Variants in DOCK6 observed in about 807,000 individuals in gnomAD.
DOCK6 encodes the protein dedicator of cytokinesis 6.
Under a neutral mutation model 230.3 loss-of-function variants are expected in DOCK6, and 167 were observed. The observed-to-expected ratio is 0.73, with a 90% CI of 0.64 to 0.82. The LOEUF is 0.82. Ranked by LOEUF, DOCK6 falls within the 40% of genes least tolerant of loss-of-function variation. The pLI, the probability that DOCK6 is intolerant of heterozygous loss-of-function variation, is 0.00. For missense variants in DOCK6, 2,598 were observed against 2,825.8 expected, an observed-to-expected ratio of 0.92 and a Z score of 1.83; for synonymous variants, 1,148 against 1,185.0, an observed-to-expected ratio of 0.97 and a Z score of 0.64.
chr19:11,233,193 G>A lies in DOCK6; in HGVS notation c.2718+10C>T, dbSNP rs756346221. ...TGAGGCTGGAGATTCCAGGGCCCCC[G>A]TTGCCCTACCTTGCTGGCCAGGATG... On this transcript the variant is annotated intron_variant, in intron 22 of 47. Transcript: ENST00000294618. 3.1e-5 allele frequency: 50 copies of A among 1,611,372 alleles called. No homozygotes were observed. Among genetic ancestry groups the A allele is most frequent in the Admixed American group, 1.3e-4 (8 of 59,854 alleles).
intron 4 of DOCK6, 85 bp from the exon 5 acceptor site, chr19:11,252,333 C>G: frequency 1.3e-6 from 2 of 1,567,120 alleles, no homozygotes; most frequent in Non-Finnish European, 1.7e-6. Flanking sequence ...CTACATGGCA[C>G]CTTCAAAGCC....
At chr19:11,213,409 C>T (rs1191590153) in intron 34 of DOCK6, 81 bp from the exon 35 acceptor site, 2 of 1,529,172 alleles carry the variant, frequency 1.3e-6, no homozygotes, top group Admixed American at 2.0e-5. Context: ...ATGAGGACTG[C>T]TTGGGCAGGG....
intron 2 of DOCK6, 39 bp from the exon 3 acceptor site, chr19:11,252,997 G>A (rs771047216): frequency 6.4e-7 from 1 of 1,559,354 alleles, no homozygotes; most frequent in Non-Finnish European, 8.7e-7. Flanking sequence ...CACTACCTAG[G>A]AGGCTGAGAG....
At chr19:11,247,015 G>A (rs1480544305) in intron 7 of DOCK6, among the ~76,000 whole-genome samples, 1 of 152,178 alleles carries the variant, frequency 6.6e-6, no homozygotes, top group Non-Finnish European at 1.5e-5. Flanking sequence ...GACTCCTCCA[G>A]GACTCTAGGC....
chr19:11,246,849 G>A (rs1004874983), intron 7 of DOCK6, among the ~76,000 whole-genome samples: 9 of 151,962 alleles, frequency 5.9e-5, no homozygotes, highest in Non-Finnish European at 1.0e-4. Flanking sequence ...CGCTCACCAC[G>A]CACCTCCAAA....
intron 14 of DOCK6, chr19:11,239,824 G>A (rs1486212436): frequency 1.0e-5 from 16 of 1,603,498 alleles, no homozygotes; most frequent in Non-Finnish European, 1.4e-5. Flanking sequence ...GCTGACAAAG[G>A]CCAGGAACAG....
In DOCK6 at chr19:11,200,714, ACTT is replaced by A; in HGVS notation, c.5938_5939+1del. ...ACCCCTCCTGGGGGGTTTTGCGCCT[ACTT>A]CTTGCAGAAGTCCTTGAAGCAGAGC... On this transcript the variant is annotated splice_donor_variant and coding_sequence_variant, in exon 46 of 48. Coordinates refer to ENST00000294618, the MANE Select transcript of DOCK6 (RefSeq NM_020812.4). LOFTEE classifies it high-confidence loss of function. The surrounding 1 kb of genome is among the most constrained non-coding windows in gnomAD (Gnocchi z 4.3). 6.2e-7 allele frequency: 1 copy of A among 1,611,520 alleles called. No homozygotes were observed.
rs1264215540 is a variant in DOCK6, at chr19:11,243,199, C to A, written c.1387-47G>T. ...CAGCCTGGGCCAGGGGGCTAGGGGTCCCCAGGGCTAATGCAGCCAGCGGGG... is the reference window on the plus strand; with the variant it reads ...CAGCCTGGGCCAGGGGGCTAGGGGTACCCAGGGCTAATGCAGCCAGCGGGG... On this transcript the variant is annotated intron_variant, in intron 12 of 47. Coordinates refer to ENST00000294618, the MANE Select transcript of DOCK6 (RefSeq NM_020812.4). This position sits in a 1 kb window ranked among gnomAD's most constrained non-coding sequence, Gnocchi z 6.3. 1.6e-5 allele frequency: 26 copies of A among 1,613,262 alleles called. No individual in the cohort carries two copies. The highest frequency in any genetic ancestry group is 2.2e-5 in the Non-Finnish European group (26 of 1,179,374).
rs1285038210 is a variant in DOCK6, at chr19:11,237,641, A to G, written c.1971T>C (p.Thr657=). ...GTALETPVGF[T]WIPLLQHGRL... ...GGGAGGGAGGGAGGGGACGGCTCAC[A>G]GTAAAGCCCACGGGTGTCTCCAGGG... The change falls in exon 17 of 48, where the codon ACT becomes ACC. Residue 657 remains threonine (T), a splice_region_variant and synonymous_variant. Coordinates refer to ENST00000294618, the MANE Select transcript of DOCK6 (RefSeq NM_020812.4). 1.9e-6 allele frequency: 3 copies of G among 1,595,692 alleles called. No individual in the cohort carries two copies. The highest frequency in any genetic ancestry group is 2.6e-6 in the Non-Finnish European group (3 of 1,171,834).
intron 14 of DOCK6, 113 bp downstream of exon 14, chr19:11,241,932 C>G (rs984424351): frequency 1.5e-6 from 2 of 1,377,896 alleles, no homozygotes; most frequent in East Asian, 5.0e-5. Flanking sequence ...AAAGCAGAGT[C>G]GTGGCATCTC....
In DOCK6 at chr19:11,202,432, A is replaced by C; in HGVS notation, c.5413T>G (p.Ser1805Ala). ...AGCTTGGACTTGTCCACAGGGTTAGAGTCTTTGATAATCTCAACGACGTCG... is the reference window on the plus strand; with the variant it reads ...AGCTTGGACTTGTCCACAGGGTTAGCGTCTTTGATAATCTCAACGACGTCG... ...GDDVVEIIKD[S>A]NPVDKSKLDS... The change falls in exon 43 of 48, where the codon TCT becomes GCT. Residue 1805 changes from serine to alanine, a missense_variant. By Grantham distance (99) the Ser-to-Ala change is moderately conservative (BLOSUM62 1). Coordinates refer to ENST00000294618, the MANE Select transcript of DOCK6 (RefSeq NM_020812.4). The surrounding 1 kb of genome is among the most constrained non-coding windows in gnomAD (Gnocchi z 5.3). 6.2e-7 allele frequency: 1 copy of C among 1,613,804 alleles called. No homozygotes were observed. The highest frequency in any genetic ancestry group is 8.5e-7 in the Non-Finnish European group (1 of 1,179,822).
chr19:11,215,341 C>T (rs1345771715), intron 32 of DOCK6, 46 bp downstream of exon 32: 1 of 1,564,690 alleles, frequency 6.4e-7, no homozygotes, highest in African/African-American at 1.3e-5. Flanking sequence ...CCTGCCTCGG[C>T]CCAAACTGTT....
Position 11,221,379 on chromosome 19 carries a change from C to A in DOCK6, c.3550+472G>T, listed in dbSNP as rs550097422. On this transcript the variant is annotated intron_variant, in intron 28 of 47. Transcript: ENST00000294618. ...AAGTGAGAATGGCTAAGAATTTCCC[C>A]AAACTGATGAAAGGCATCCACCCAC... is the stretch of plus-strand genomic sequence containing the variant. The A allele has an allele frequency of 3.0e-4, 50 of 164,486 alleles. 2 individuals are homozygous for A. The South Asian group carries it at 7.5e-3, about 25-fold the overall frequency. 10.2% of individuals were successfully genotyped at this position (164,486 alleles called of 1,614,324 possible).
At position 11,250,878 on chromosome 19, in the gene DOCK6, T is replaced by A; in HGVS notation, c.716A>T (p.Asp239Val). Residue 239 changes from aspartate (D) to valine (V), a missense_variant, in exon 6 of 48, where the codon GAC becomes GTC. Coordinates refer to ENST00000294618, the MANE Select transcript of DOCK6 (RefSeq NM_020812.4). ...TATCTGGGAAGGGGCACCCACCTCG[T>A]CAGGTGCCGGGTAGAGGGTGAGCAG... ...PALLTLYPAP[D>V]EDEAVERCSR... 1.3e-6 allele frequency: 2 copies of A among 1,593,438 alleles called. No individual in the cohort carries two copies. Among genetic ancestry groups the A allele is most frequent in the Non-Finnish European group, 1.7e-6 (2 of 1,163,482 alleles).
At chr19:11,258,528 G>A (rs752377111) in intron 1 of DOCK6, among the ~76,000 whole-genome samples, 2 of 151,480 alleles carry the variant, frequency 1.3e-5, no homozygotes, top group South Asian at 4.2e-4. Flanking sequence ...CACGGCCCGG[G>A]TTCAAGCGAT....
At chr19:11,207,301 C>T (rs2079278751) in intron 39 of DOCK6, among the ~76,000 whole-genome samples, 1 of 152,066 alleles carries the variant, frequency 6.6e-6, no homozygotes, top group Admixed American at 6.6e-5. Context: ...TCCAGTGATC[C>T]TCCCGCTTCA....
chr19:11,257,607 G>A (rs1174821500), intron 1 of DOCK6, among the ~76,000 whole-genome samples: 1 of 151,248 alleles, frequency 6.6e-6, no homozygotes, highest in Non-Finnish European at 1.5e-5. Flanking sequence ...TGGCCAACAT[G>A]GTGAAACCCC....
Position 11,245,583 on chromosome 19 carries a change from C to G in DOCK6, c.1003G>C (p.Asp335His). Residue 335 changes from aspartate to histidine, a missense_variant, in exon 9 of 48, where the codon GAC becomes CAC. Transcript: ENST00000294618. ...GGCACCTTGATGACCAGGAAGATGT[C>G]AGGTGAGGGGTAGGTCACAGAGAAG... ...AIFSVTYPSP[D>H]IFLVIKLEKV... 6.4e-7 allele frequency: 1 copy of G among 1,562,204 alleles called. No individual in the cohort carries two copies. The highest frequency in any genetic ancestry group is 8.7e-7 in the Non-Finnish European group (1 of 1,153,208).
Position 11,201,984 on chromosome 19 carries a change from C to A in DOCK6, c.5593G>T (p.Glu1865Ter). The A allele has an allele frequency of 6.2e-7, 1 of 1,613,958 alleles. No individual in the cohort carries two copies. The highest frequency in any genetic ancestry group is 8.5e-7 in the Non-Finnish European group (1 of 1,179,874). ...PFTPDGRAHG[E>*]LPEQHKRKTL... ...TTACGCTTGTGTTGCTCGGGCAGCT[C>A]CCCGTGTGCGCGCCCATCCGGCGTG... The change falls in exon 44 of 48, where the codon GAG becomes TAG. Residue 1865 changes from glutamate to a stop codon, truncating the protein, a stop_gained. Coordinates refer to ENST00000294618, the MANE Select transcript of DOCK6 (RefSeq NM_020812.4). LOFTEE classifies it high-confidence loss of function. This position sits in a 1 kb window ranked among gnomAD's most constrained non-coding sequence, Gnocchi z 4.3.
Sources: gnomAD v4.1 joint callset for allele counts (sites outside exome capture counted in the v4.1 genomes callset) on GRCh38, gnomAD v4.1.1 for gene constraint, Gnocchi (gnomAD v3.1) non-coding constraint, MANE v1.5 for transcripts, NCBI Gene and HGNC (gene_info 2026-07-23, HGNC 2026-07-21) for gene names.